Variants in IL1RAPL2 observed in about 807,000 individuals in gnomAD.
IL1RAPL2 encodes the protein interleukin 1 receptor accessory protein like 2.
IL1RAPL2 carries 3 observed loss-of-function variants against 44.1 expected under a neutral mutation model. The observed-to-expected ratio is 0.07, with a 90% confidence interval of 0.03 to 0.18. The LOEUF is 0.18. Ranked by LOEUF, IL1RAPL2 falls within the 10% of genes least tolerant of loss-of-function variation. The pLI, the probability that IL1RAPL2 is intolerant of heterozygous loss-of-function variation, is 1.00. For synonymous variants in IL1RAPL2, 181 were observed against 178.8 expected (o/e 1.01, Z -0.10); for missense variants, 391 against 496.4 (o/e 0.79, Z 2.02).
At chrX:105,276,717 G>A (rs2034489335) in intron 5 of IL1RAPL2, among the ~76,000 whole-genome samples, 1 of 112,318 alleles carries the variant, frequency 8.9e-6, no homozygotes, top group Admixed American at 9.4e-5. Flanking sequence ...GCATGTTTGT[G>A]GCTTTTGCCT....
chrX:105,703,573 G>A (rs1295291453), intron 6 of IL1RAPL2, among the ~76,000 whole-genome samples: 1 of 111,675 alleles, frequency 9.0e-6, no homozygotes, highest in African/African-American at 3.3e-5. Context: ...TGCAAGCTCT[G>A]CCAACAGTCA....
At position 104,841,107 on chromosome X, in the gene IL1RAPL2, C is replaced by T. The variant is rs192999219; in HGVS notation, c.82+182112C>T. On this transcript the variant is annotated intron_variant, in intron 2 of 10. Coordinates refer to ENST00000372582, the MANE Select transcript of IL1RAPL2 (RefSeq NM_017416.2). ...GCATATATATTTAGGATAGTTAGCT[C>T]TTTTTGTTGCATTGATGCCTTTACA... Among the ~76,000 whole-genome samples, 258 of 111,921 alleles carry T rather than the reference C, an allele frequency of 2.3e-3. 1 individual carries two copies. Among genetic ancestry groups the T allele is most frequent in the Admixed American group, 4.3e-3 (45 of 10,525 alleles).
chrX:105,499,084 G>A (rs960977626), intron 6 of IL1RAPL2, among the ~76,000 whole-genome samples: 2 of 111,232 alleles, frequency 1.8e-5, no homozygotes, highest in Admixed American at 1.9e-4. Context: ...CAATCCCCCC[G>A]ATACTGTCCC....
At chrX:105,592,478 G>T (rs1363479899) in intron 6 of IL1RAPL2, among the ~76,000 whole-genome samples, 1 of 111,633 alleles carries the variant, frequency 9.0e-6, no homozygotes, top group Non-Finnish European at 1.9e-5. Context: ...CATGTTGTTA[G>T]CTGGTTATTA....
At chrX:105,513,845 GT>G (rs1192239197) in intron 6 of IL1RAPL2, among the ~76,000 whole-genome samples, 2 of 110,727 alleles carry the variant, frequency 1.8e-5, no homozygotes, top group Non-Finnish European at 3.8e-5. Context: ...ATATTTGCCC[GT>G]GCCTATGTCC....
chrX:105,263,068 A>G (rs888202218), intron 4 of IL1RAPL2, among the ~76,000 whole-genome samples: 4 of 110,091 alleles, frequency 3.6e-5, no homozygotes, highest in Non-Finnish European at 5.7e-5. Context: ...TATTTTTAGT[A>G]GAGACGGTGT....
At chrX:104,724,937 C>T (rs186640598) in intron 2 of IL1RAPL2, among the ~76,000 whole-genome samples, 29 of 111,136 alleles carry the variant, frequency 2.6e-4, no homozygotes, top group African/African-American at 7.8e-4. Context: ...ACAGAATGTG[C>T]AGGTTTGCTA....
intron 5 of IL1RAPL2, among the ~76,000 whole-genome samples, chrX:105,301,328 C>G (rs1177589384): frequency 1.8e-5 from 2 of 111,631 alleles, no homozygotes; most frequent in Non-Finnish European, 3.8e-5. Flanking sequence ...TATTTTGACA[C>G]AGGCATGCAA....
chrX:105,686,421 C>T (rs1466629982), intron 6 of IL1RAPL2, among the ~76,000 whole-genome samples: 1 of 101,688 alleles, frequency 9.8e-6, no homozygotes, highest in African/African-American at 3.7e-5. Flanking sequence ...GGCTGCAATC[C>T]TAGTCTCTGA....
At chrX:104,742,501 T>C (rs909432603) in intron 2 of IL1RAPL2, among the ~76,000 whole-genome samples, 2 of 111,939 alleles carry the variant, frequency 1.8e-5, no homozygotes, top group Admixed American at 9.5e-5. Context: ...TTCACAATAA[T>C]ACAGGGCTAG....
At chrX:105,243,604 T>C (rs1164962335) in intron 4 of IL1RAPL2, among the ~76,000 whole-genome samples, 3 of 82,581 alleles carry the variant, frequency 3.6e-5, no homozygotes, top group African/African-American at 9.4e-5. Context: ...TATATATATA[T>C]ATTTTTTTTT....
intron 5 of IL1RAPL2, among the ~76,000 whole-genome samples, chrX:105,348,908 G>GA (rs2035131130): frequency 8.9e-6 from 1 of 111,760 alleles, no homozygotes; most frequent in African/African-American, 3.3e-5. Flanking sequence ...AGGGAGGCCT[G>GA]AAGATTGGTT....
intron 6 of IL1RAPL2, among the ~76,000 whole-genome samples, chrX:105,583,431 G>C (rs2037104170): frequency 8.9e-6 from 1 of 111,791 alleles, no homozygotes; most frequent in Non-Finnish European, 1.9e-5. Flanking sequence ...ACGGCGCCCG[G>C]CCAAGAATTC....
At chrX:105,113,615 C>G (rs1388138044) in intron 2 of IL1RAPL2, among the ~76,000 whole-genome samples, 3 of 112,050 alleles carry the variant, frequency 2.7e-5, no homozygotes, top group Non-Finnish European at 5.6e-5. Context: ...TGTGCCTCCA[C>G]TGAATGGTAC....
At chrX:104,979,639 A>G (rs1164477710) in intron 2 of IL1RAPL2, among the ~76,000 whole-genome samples, 1 of 112,355 alleles carries the variant, frequency 8.9e-6, no homozygotes, top group Non-Finnish European at 1.9e-5. Flanking sequence ...ATAGGAAACA[A>G]TCATCAGTTA....
At chrX:104,789,343 C>A (rs1376767874) in intron 2 of IL1RAPL2, among the ~76,000 whole-genome samples, 1 of 111,466 alleles carries the variant, frequency 9.0e-6, no homozygotes, top group Non-Finnish European at 1.9e-5. Flanking sequence ...CATCTTTATG[C>A]CCATGAGCAC....
intron 5 of IL1RAPL2, among the ~76,000 whole-genome samples, chrX:105,388,235 A>C (rs902511810): frequency 4.5e-4 from 46 of 102,411 alleles, no homozygotes; most frequent in Admixed American, 1.2e-3. Context: ...TGAATTAGTA[A>C]CTCTGACTAT....
chrX:104,604,295 T>C (rs1928953939), intron 1 of IL1RAPL2, among the ~76,000 whole-genome samples: 1 of 111,118 alleles, frequency 9.0e-6, no homozygotes, highest in African/African-American at 3.3e-5. Context: ...TTACAAGAGC[T>C]CCTGAAGGAA....
intron 5 of IL1RAPL2, among the ~76,000 whole-genome samples, chrX:105,305,659 C>T (rs2034730625): frequency 9.0e-6 from 1 of 111,693 alleles, no homozygotes; most frequent in Non-Finnish European, 1.9e-5. Context: ...TGTGAAGGCA[C>T]CAAATTTATG....
Sources: gnomAD v4.1 joint callset for allele counts (sites outside exome capture counted in the v4.1 genomes callset) on GRCh38, gnomAD v4.1.1 for gene constraint, MANE v1.5 for transcripts, NCBI Gene and HGNC (gene_info 2026-07-23, HGNC 2026-07-21) for gene names.